DTNA: variants seen among roughly 807,000 people sequenced by gnomAD.
DTNA encodes dystrobrevin alpha.
Under a neutral mutation model 100.7 loss-of-function variants are expected in DTNA, and 43 were observed. The ratio of observed to expected loss-of-function variants is 0.43; its 90% CI spans 0.33 to 0.55. The LOEUF (loss-of-function observed/expected upper bound fraction) is 0.55. Among genes scored for constraint, DTNA ranks in the 20% least tolerant of loss-of-function variants. The probability of loss-of-function intolerance (pLI) is 0.04; values close to 1 mark genes in which losing one functional copy is unlikely to be tolerated. For missense variants in DTNA, 798 were observed against 953.9 expected (o/e 0.84, Z 2.15); for synonymous variants, 349 against 347.9 (o/e 1.00, Z -0.04).
chr18:34,646,520 C>T (rs529863061), intron 1 of DTNA, among the ~76,000 whole-genome samples: 1 of 152,136 alleles, frequency 6.6e-6, no homozygotes, highest in Non-Finnish European at 1.5e-5. Context: ...TTTAACTTTA[C>T]TTGATTTGCC....
At chr18:34,820,719 A>C (rs1568640201) in intron 8 of DTNA, 72 bp from the exon 9 acceptor site, 1 of 1,605,788 alleles carries the variant, frequency 6.2e-7, no homozygotes, top group East Asian at 2.2e-5. Flanking sequence ...TCTATTATGA[A>C]AAGCAAATCA....
rs576969135 is a variant in DTNA, at chr18:34,555,160, C to T, written c.-2+61646C>T. ...TCTTCTAGATTTTCTAGTTTATTTG[C>T]GTAGAGGTGTTTGTAGTATTCTCTG... is the stretch of plus-strand genomic sequence containing the variant. On this transcript the variant is annotated intron_variant, in intron 1 of 19. Transcript: ENST00000283365. Among the ~76,000 whole-genome samples the T allele has an allele frequency of 1.6e-4, 22 of 135,686 alleles. No homozygotes were observed. The East Asian group carries it at 2.6e-3, about 16-fold the overall frequency. The allele number at this position is 135,686 out of a possible 152,430, so 89.0% of individuals were successfully genotyped here.
intron 3 of DTNA, among the ~76,000 whole-genome samples, chr18:34,769,678 T>G (rs1016518880): frequency 1.3e-5 from 2 of 150,646 alleles, no homozygotes; most frequent in Non-Finnish European, 3.0e-5. Flanking sequence ...GTGGCCCCTT[T>G]TCACTGTGTC....
chr18:34,840,691 G>A (rs377212329), intron 13 of DTNA, among the ~76,000 whole-genome samples: 1 of 152,132 alleles, frequency 6.6e-6, no homozygotes, highest in African/African-American at 2.4e-5. Flanking sequence ...CCTGATGAAA[G>A]CTAAATGTGA....
intron 1 of DTNA, among the ~76,000 whole-genome samples, chr18:34,502,045 A>G (rs538703495): frequency 2.6e-5 from 4 of 152,278 alleles, no homozygotes; most frequent in South Asian, 4.2e-4. Flanking sequence ...ACTTCAACAT[A>G]TGAATTTGTG....
At chr18:34,537,593 C>T (rs546431828) in intron 1 of DTNA, among the ~76,000 whole-genome samples, 56 of 151,490 alleles carry the variant, frequency 3.7e-4, no homozygotes, top group Non-Finnish European at 6.6e-4. Context: ...CACCTCAATG[C>T]ATTTAAATTC....
At chr18:34,856,622 C>T (rs933289730) in intron 15 of DTNA, among the ~76,000 whole-genome samples, 2 of 152,200 alleles carry the variant, frequency 1.3e-5, no homozygotes, top group African/African-American at 4.8e-5. Flanking sequence ...GGATTCACAT[C>T]ACGTCTACCA....
intron 3 of DTNA, among the ~76,000 whole-genome samples, chr18:34,777,077 T>C (rs2094096738): frequency 6.6e-6 from 1 of 152,226 alleles, no homozygotes; most frequent in Non-Finnish European, 1.5e-5. Context: ...CCTATCCGCC[T>C]TGTCCTATTG....
chr18:34,563,807 G>A (rs1482069470), intron 1 of DTNA, among the ~76,000 whole-genome samples: 1 of 152,164 alleles, frequency 6.6e-6, no homozygotes, highest in Non-Finnish European at 1.5e-5. Flanking sequence ...TGGGGCGGGG[G>A]AGAAATTCCC....
At chr18:34,680,225 G>T (rs956643839) in intron 1 of DTNA, among the ~76,000 whole-genome samples, 1 of 152,088 alleles carries the variant, frequency 6.6e-6, no homozygotes, top group Non-Finnish European at 1.5e-5. Context: ...GTCTGGCCAT[G>T]AAATGAATGA....
At chr18:34,867,277 T>C (rs2096715988) in intron 17 of DTNA, 1 of 1,231,232 alleles carries the variant, frequency 8.1e-7, no homozygotes, top group Non-Finnish European at 1.0e-6. Context: ...CCATGGTCTG[T>C]AAAAAAGGAA....
chr18:34,806,606 C>T (rs2095367522), intron 5 of DTNA, among the ~76,000 whole-genome samples: 1 of 152,156 alleles, frequency 6.6e-6, no homozygotes, highest in Non-Finnish European at 1.5e-5. Context: ...CTGCCTTACA[C>T]GTGGTACAGG....
At chr18:34,529,906 A>T (rs1038179697) in intron 1 of DTNA, among the ~76,000 whole-genome samples, 1 of 152,128 alleles carries the variant, frequency 6.6e-6, no homozygotes, top group South Asian at 2.1e-4. Context: ...CAGTTCTCTT[A>T]ACCAAAGTTT....
At chr18:34,877,904 A>G in intron 19 of DTNA, 96 bp downstream of exon 19, 1 of 1,062,462 alleles carries the variant, frequency 9.4e-7, no homozygotes, top group Non-Finnish European at 1.4e-6. Flanking sequence ...GTCTAATATC[A>G]AAAGATTCTT....
intron 4 of DTNA, among the ~76,000 whole-genome samples, chr18:34,797,636 T>C (rs1369149730): frequency 6.6e-6 from 1 of 152,188 alleles, no homozygotes; most frequent in Non-Finnish European, 1.5e-5. Context: ...TTGTAGGAAA[T>C]AGAGAGTAAC....
intron 1 of DTNA, among the ~76,000 whole-genome samples, chr18:34,579,815 G>T (rs1451016426): frequency 6.6e-6 from 1 of 152,006 alleles, no homozygotes; most frequent in Non-Finnish European, 1.5e-5. Context: ...TTTCTTGCTT[G>T]GGTTTTACTT....
At chr18:34,804,294 G>A (rs1243352196) in intron 4 of DTNA, among the ~76,000 whole-genome samples, 1 of 152,128 alleles carries the variant, frequency 6.6e-6, no homozygotes, top group Non-Finnish European at 1.5e-5. Context: ...GAGACTGCTG[G>A]GTGTGCCATG....
At chr18:34,610,062 G>A (rs572904634) in intron 1 of DTNA, among the ~76,000 whole-genome samples, 1 of 152,152 alleles carries the variant, frequency 6.6e-6, no homozygotes, top group African/African-American at 2.4e-5. Flanking sequence ...ACATTTTACT[G>A]TATTGAGTTT....
chr18:34,677,998 C>T (rs1315629803), intron 1 of DTNA, among the ~76,000 whole-genome samples: 3 of 152,150 alleles, frequency 2.0e-5, no homozygotes, highest in African/African-American at 4.8e-5. Flanking sequence ...AGGAAACTTA[C>T]AGTCGTGGTG....
Sources: allele counts gnomAD v4.1 joint callset (sites outside exome capture counted in the v4.1 genomes callset), GRCh38; gene constraint gnomAD v4.1.1; transcripts MANE v1.5; gene names NCBI Gene and HGNC (gene_info 2026-07-23, HGNC 2026-07-21).